Variants in HMGN3 observed in about 807,000 individuals in gnomAD.
HMGN3 encodes the protein high mobility group nucleosomal binding domain 3.
A neutral mutation model predicts 18.8 loss-of-function variants in HMGN3; 6 were observed. The ratio of observed to expected loss-of-function variants is 0.32; its 90% CI spans 0.18 to 0.63. HMGN3 has a LOEUF of 0.63. HMGN3 is among the 30% of genes least tolerant of loss of function. The pLI is 0.79. For missense variants in HMGN3, 107 were observed against 114.2 expected, an observed-to-expected ratio of 0.94 and a Z score of 0.29; for synonymous variants, 40 against 36.5, an observed-to-expected ratio of 1.10 and a Z score of -0.35.
At chr6:79,218,471 T>C (rs1777105856) in intron 1 of HMGN3, among the ~76,000 whole-genome samples, 1 of 152,132 alleles carries the variant, frequency 6.6e-6, no homozygotes, top group South Asian at 2.1e-4. Context: ...AATCAAATAA[T>C]ATGTAGCAGT....
chr6:79,233,167 T>A (rs989982146), intron 1 of HMGN3, among the ~76,000 whole-genome samples: 1 of 152,228 alleles, frequency 6.6e-6, no homozygotes. Context: ...GGACAATTTA[T>A]GTCTTTAAGT....
At chr6:79,230,363 C>T (rs77591509) in intron 1 of HMGN3, among the ~76,000 whole-genome samples, 1,672 of 152,182 alleles carry the variant, frequency 0.011, 27 homozygotes, top group East Asian at 0.066. Flanking sequence ...ACAATGGTTG[C>T]GCAACTCTAT....
In HMGN3 at chr6:79,223,153, C is replaced by G. The variant is rs1189690628; in HGVS notation, c.16-8131G>C. Among the ~76,000 whole-genome samples, 3 of 152,194 alleles carry G rather than the reference C, an allele frequency of 2.0e-5. No individual in the cohort carries two copies. The East Asian group carries it at 5.8e-4, about 29-fold the overall frequency. ...CAGCACTTTGGGAGGCTGAGGAGGG[C>G]AGATCACTTGAGGCCAGGAGTTCGA... On this transcript the variant is annotated intron_variant, in intron 1 of 5. Coordinates refer to ENST00000344726, the Ensembl canonical transcript of HMGN3.
chr6:79,226,443 C>A (rs747227576), intron 1 of HMGN3, among the ~76,000 whole-genome samples: 5 of 152,078 alleles, frequency 3.3e-5, no homozygotes, highest in Admixed American at 1.3e-4. Context: ...CAGTCTGACT[C>A]ATAGAAAGAG....
chr6:79,220,894 C>A (rs1777250669), intron 1 of HMGN3, among the ~76,000 whole-genome samples: 1 of 151,926 alleles, frequency 6.6e-6, no homozygotes, highest in African/African-American at 2.4e-5. Flanking sequence ...GAAAAAGGAA[C>A]CAAGGGGATG....
intron 1 of HMGN3, among the ~76,000 whole-genome samples, chr6:79,229,890 T>A (rs762906293): frequency 3.3e-5 from 5 of 151,446 alleles, no homozygotes; most frequent in African/African-American, 7.3e-5. Flanking sequence ...AAAAAAAAAA[T>A]GATAAACATA....
At chr6:79,224,815 T>G (rs1777483746) in intron 1 of HMGN3, among the ~76,000 whole-genome samples, 1 of 152,218 alleles carries the variant, frequency 6.6e-6, no homozygotes, top group African/African-American at 2.4e-5. Flanking sequence ...AAAAGAGATG[T>G]TACCAGATGG....
At chr6:79,210,883 C>T (rs1776652627) in intron 2 of HMGN3, among the ~76,000 whole-genome samples, 1 of 151,944 alleles carries the variant, frequency 6.6e-6, no homozygotes, top group African/African-American at 2.4e-5. Flanking sequence ...TTGGGATTTC[C>T]AGAGACATTC....
intron 4 of HMGN3, 88 bp downstream of exon 4, chr6:79,203,492 T>A (rs1294491667): frequency 1.8e-6 from 2 of 1,127,492 alleles, no homozygotes; most frequent in Non-Finnish European, 2.7e-6. Context: ...GATCATTAAA[T>A]ACGGCCTTTC....
At chr6:79,216,073 T>C (rs1776968634) in intron 1 of HMGN3, among the ~76,000 whole-genome samples, 1 of 152,182 alleles carries the variant, frequency 6.6e-6, no homozygotes. Context: ...AAACCCACTG[T>C]TTGAGGCTAG....
chr6:79,219,358 G>C (rs760451887), intron 1 of HMGN3, among the ~76,000 whole-genome samples: 1 of 152,150 alleles, frequency 6.6e-6, no homozygotes, highest in Non-Finnish European at 1.5e-5. Flanking sequence ...TATCATTCAA[G>C]AGTGATGGCA....
intron 3 of HMGN3, among the ~76,000 whole-genome samples, chr6:79,205,897 G>C (rs1404863512): frequency 6.6e-6 from 1 of 152,224 alleles, no homozygotes; most frequent in Non-Finnish European, 1.5e-5. Context: ...GTCTCAGATA[G>C]AGATGAGGAA....
In HMGN3 at chr6:79,204,770, C is replaced by T. The variant is rs1218078418; in HGVS notation, c.97-1140G>A. On this transcript the variant is annotated intron_variant, in intron 3 of 5. Coordinates refer to ENST00000344726, the Ensembl canonical transcript of HMGN3. The stretch of plus-strand genomic sequence containing the variant: ...AGATTGGCTGTTAGAAATGACCTTT[C>T]AAATAAAAAAAGAAAATCGAGCTTG... Among the ~76,000 whole-genome samples, 4 of 152,018 alleles carry T rather than the reference C, an allele frequency of 2.6e-5. No individual in the cohort carries two copies. The East Asian group carries it at 5.8e-4, about 22-fold the overall frequency.
At chr6:79,228,973 G>A (rs1337985533) in intron 1 of HMGN3, among the ~76,000 whole-genome samples, 3 of 152,242 alleles carry the variant, frequency 2.0e-5, no homozygotes, top group Non-Finnish European at 2.9e-5. Context: ...ACAAAGGTGC[G>A]TAGGCAATTC....
intron 3 of HMGN3, among the ~76,000 whole-genome samples, chr6:79,206,502 A>G (rs1405773951): frequency 6.6e-6 from 1 of 152,204 alleles, no homozygotes; most frequent in African/African-American, 2.4e-5. Context: ...TGAGCCTGCG[A>G]GTGTGCAGAA....
intron 1 of HMGN3, 97 bp from the exon 2 acceptor site, chr6:79,215,119 G>A: frequency 1.4e-6 from 1 of 734,234 alleles, no homozygotes; most frequent in Non-Finnish European, 2.2e-6. Flanking sequence ...GACAAGACAA[G>A]CCAACAGATT....
intron 1 of HMGN3, among the ~76,000 whole-genome samples, chr6:79,225,291 T>A (rs1777513820): frequency 6.6e-6 from 1 of 152,190 alleles, no homozygotes. Context: ...GATTTTGTAT[T>A]TCATTGTATG....
At chr6:79,234,583 A>C (rs1236929118) in exon 1 of HMGN3, 1 of 1,611,928 alleles carries the variant, frequency 6.2e-7, no homozygotes, top group South Asian at 1.1e-5. Context: ...GGTGAAGCAA[A>C]AAGTAAAGCA....
intron 2 of HMGN3, among the ~76,000 whole-genome samples, chr6:79,210,770 T>C (rs1776646031): frequency 6.6e-6 from 1 of 152,106 alleles, no homozygotes; most frequent in African/African-American, 2.4e-5. Context: ...CTCCATGAAG[T>C]GAGGCAAAAT....
Sources: gnomAD v4.1 joint callset for allele counts (sites outside exome capture counted in the v4.1 genomes callset) on GRCh38, gnomAD v4.1.1 for gene constraint, MANE v1.5 for transcripts, NCBI Gene and HGNC (gene_info 2026-07-23, HGNC 2026-07-21) for gene names.